DGKB: variants seen among roughly 807,000 people sequenced by gnomAD.
DGKB encodes diacylglycerol kinase beta.
In DGKB, 67 loss-of-function variants were observed where a neutral mutation model predicts 114.3. The observed-to-expected ratio is 0.59, with a 90% CI of 0.48 to 0.72. The LOEUF (loss-of-function observed/expected upper bound fraction) is 0.72. DGKB is among the 30% of genes least tolerant of loss of function. DGKB has a pLI of 0.00. For synonymous variants in DGKB, 398 were observed against 323.1 expected (o/e 1.23, Z -2.49); for missense variants, 907 against 975.2 (o/e 0.93, Z 0.93).
At chr7:14,841,928 T>C (rs1283605145) in intron 1 of DGKB, among the ~76,000 whole-genome samples, 2 of 152,186 alleles carry the variant, frequency 1.3e-5, no homozygotes, top group East Asian at 3.8e-4. Context: ...TTTAAAAAAA[T>C]TCAAAAGATT....
At chr7:14,272,619 T>C (rs1356036043) in intron 23 of DGKB, among the ~76,000 whole-genome samples, 3 of 152,194 alleles carry the variant, frequency 2.0e-5, no homozygotes, top group African/African-American at 7.2e-5. Context: ...GTATCTATGG[T>C]CACTCTACTT....
intron 10 of DGKB, 37 bp from the exon 11 acceptor site, chr7:14,682,878 C>A: frequency 2.8e-6 from 4 of 1,411,230 alleles, no homozygotes; most frequent in Non-Finnish European, 3.9e-6. Context: ...AGAGCTAATC[C>A]TGGTCCTGGT....
At chr7:14,417,522 A>G (rs1358784327) in intron 21 of DGKB, among the ~76,000 whole-genome samples, 1 of 151,992 alleles carries the variant, frequency 6.6e-6, no homozygotes, top group Non-Finnish European at 1.5e-5. Context: ...CTCAACTGGG[A>G]AAAATTATTC....
chr7:14,533,276 A>G (rs1036832640), intron 20 of DGKB, among the ~76,000 whole-genome samples: 3 of 151,842 alleles, frequency 2.0e-5, no homozygotes, highest in African/African-American at 4.8e-5. Context: ...CAATCAGAAC[A>G]AAGAACAGTA....
chr7:14,362,134 A>G (rs1033621046), intron 21 of DGKB, among the ~76,000 whole-genome samples: 1 of 152,066 alleles, frequency 6.6e-6, no homozygotes, highest in African/African-American at 2.4e-5. Flanking sequence ...TTTTGTACCA[A>G]TCAATAAGAA....
intron 4 of DGKB, among the ~76,000 whole-genome samples, chr7:14,745,050 A>G (rs935501662): frequency 1.3e-5 from 2 of 152,198 alleles, no homozygotes; most frequent in Admixed American, 6.5e-5. Flanking sequence ...ATAAGACCAA[A>G]GGAGCAAACC....
At chr7:14,675,661 T>C (rs1489003912) in intron 12 of DGKB, among the ~76,000 whole-genome samples, 1 of 151,826 alleles carries the variant, frequency 6.6e-6, no homozygotes, top group African/African-American at 2.4e-5. Context: ...CTGAGTTTTG[T>C]CTAGGCGGTC....
At chr7:14,177,714 T>C (rs1781996248) in intron 24 of DGKB, among the ~76,000 whole-genome samples, 1 of 152,098 alleles carries the variant, frequency 6.6e-6, no homozygotes, top group African/African-American at 2.4e-5. Flanking sequence ...TCATAGATAA[T>C]TTGCCCAGTA....
rs1361824695 is a variant in DGKB at position 14,551,154 on chromosome 7, A to T, written c.1770+23058T>A. 2.0e-5 allele frequency among the ~76,000 whole-genome samples: 3 copies of T among 152,294 alleles called. 1 individual carries two copies. In the South Asian group the frequency reaches 6.2e-4, roughly 32 times the overall value. ...CAGAATAAGAGGCTCTTAGTGACTG[A>T]CTAAGGCTGAAGGATATTAAATCAC... On this transcript the variant is annotated intron_variant, in intron 20 of 25. Transcript: ENST00000402815.
At chr7:14,179,862 T>C (rs1458028490) in intron 23 of DGKB, among the ~76,000 whole-genome samples, 3 of 152,200 alleles carry the variant, frequency 2.0e-5, no homozygotes, top group Non-Finnish European at 4.4e-5. Context: ...GCTTCCACCT[T>C]GCTGTTCTAA....
intron 21 of DGKB, among the ~76,000 whole-genome samples, chr7:14,393,118 T>C (rs920421539): frequency 3.3e-5 from 5 of 151,650 alleles, no homozygotes; most frequent in Non-Finnish European, 7.4e-5. Flanking sequence ...GCCTCCCGCG[T>C]AGCTGGGACT....
intron 21 of DGKB, among the ~76,000 whole-genome samples, chr7:14,433,421 G>T (rs1280971990): frequency 5.9e-5 from 9 of 151,996 alleles, no homozygotes; most frequent in Admixed American, 5.9e-4. Flanking sequence ...AGAGATCTGG[G>T]TTTGAATTCA....
At chr7:14,827,047 C>T (rs1203509674) in intron 2 of DGKB, among the ~76,000 whole-genome samples, 4 of 151,972 alleles carry the variant, frequency 2.6e-5, no homozygotes. Flanking sequence ...CATTGTGGGA[C>T]TCAGGCAGAA....
chr7:14,392,994 TG>T (rs1439482432), intron 21 of DGKB, among the ~76,000 whole-genome samples: 39 of 34,994 alleles, frequency 1.1e-3, no homozygotes, highest in African/African-American at 5.0e-3. Context: ...TTTTTGTTTT[TG>T]TTTTTTTTTT....
chr7:14,451,435 G>C (rs992774701), intron 21 of DGKB, among the ~76,000 whole-genome samples: 19 of 151,944 alleles, frequency 1.3e-4, no homozygotes, highest in African/African-American at 4.6e-4. Flanking sequence ...ACTCAGACTG[G>C]AACTATAGCA....
chr7:14,167,897 C>T (rs10263776), intron 25 of DGKB, among the ~76,000 whole-genome samples: 3,757 of 151,974 alleles, frequency 0.025, 133 homozygotes, highest in African/African-American at 0.079. Flanking sequence ...AATATTAAAA[C>T]TGTTCAGAAT....
At chr7:14,630,678 C>A (rs891606797) in intron 13 of DGKB, among the ~76,000 whole-genome samples, 4 of 151,974 alleles carry the variant, frequency 2.6e-5, no homozygotes, top group African/African-American at 9.7e-5. Context: ...CTTTTGAACA[C>A]AGACATAGCT....
chr7:14,593,687 T>G (rs1417256473), intron 17 of DGKB, among the ~76,000 whole-genome samples: 2 of 151,928 alleles, frequency 1.3e-5, no homozygotes, highest in East Asian at 3.9e-4. Context: ...TAACCGATGT[T>G]AAACAAAAAT....
intron 20 of DGKB, among the ~76,000 whole-genome samples, chr7:14,542,218 C>T (rs1793580492): frequency 6.6e-6 from 1 of 151,982 alleles, no homozygotes; most frequent in Non-Finnish European, 1.5e-5. Flanking sequence ...CACAGTCTTG[C>T]TAGTTGCCCA....
Sources: gnomAD v4.1 joint callset for allele counts (sites outside exome capture counted in the v4.1 genomes callset) on GRCh38, gnomAD v4.1.1 for gene constraint, MANE v1.5 for transcripts, NCBI Gene and HGNC (gene_info 2026-07-23, HGNC 2026-07-21) for gene names.